THSD4: variants seen among roughly 807,000 people sequenced by gnomAD.
THSD4 encodes the protein thrombospondin type-1 domain-containing protein 4.
THSD4 carries 69 observed loss-of-function variants against 119.0 expected under a neutral mutation model. The ratio of observed to expected loss-of-function variants is 0.58; its 90% CI spans 0.48 to 0.71. The LOEUF (loss-of-function observed/expected upper bound fraction) is 0.71, where lower values mean the gene tolerates loss of function less well. Among genes scored for constraint, THSD4 ranks in the 30% least tolerant of loss-of-function variants. THSD4 has a pLI of 0.00. For missense variants in THSD4, 1,393 were observed against 1,391.1 expected, an observed-to-expected ratio of 1.00 and a Z score of -0.02; for synonymous variants, 524 against 540.4, an observed-to-expected ratio of 0.97 and a Z score of 0.42.
chr15:71,187,471 T>G (rs898553828), intron 3 of THSD4: 2 of 152,658 alleles, frequency 1.3e-5, no homozygotes, highest in African/African-American at 4.8e-5. Flanking sequence ...CAGGAAAAGC[T>G]GCTTGATGAG....
In THSD4 at chr15:71,125,613, G is replaced by A. The variant is rs1325626730; in HGVS notation, c.-80+9915G>A. ...GCAGGGCTGTGCTGAGACCGCGGCT[G>A]GCCAGCCAGGGCCAGAGGGAGGCCC... is the stretch of plus-strand genomic sequence containing the variant. On this transcript the variant is annotated intron_variant, in intron 1 of 17. Transcript: ENST00000261862. Among the ~76,000 whole-genome samples the A allele has an allele frequency of 2.0e-5, 3 of 152,224 alleles. No individual in the cohort carries two copies. In the East Asian group the frequency reaches 5.8e-4, roughly 29 times the overall value.
intron 7 of THSD4, among the ~76,000 whole-genome samples, chr15:71,611,753 C>T (rs538456638): frequency 1.3e-5 from 2 of 152,258 alleles, no homozygotes; most frequent in Non-Finnish European, 1.5e-5. Context: ...GTTTGCCAAG[C>T]GAATGAGGAC....
At chr15:71,708,826 A>C (rs755018450) in intron 8 of THSD4, among the ~76,000 whole-genome samples, 1 of 152,214 alleles carries the variant, frequency 6.6e-6, no homozygotes, top group Non-Finnish European at 1.5e-5. Context: ...TGAGGGGCAA[A>C]TAGCGTTGCC....
intron 6 of THSD4, among the ~76,000 whole-genome samples, chr15:71,269,171 C>G (rs369724191): frequency 1.2e-4 from 18 of 152,234 alleles, no homozygotes; most frequent in African/African-American, 4.3e-4. Flanking sequence ...GGCCAATAAC[C>G]CTGATGAACA....
intron 7 of THSD4, among the ~76,000 whole-genome samples, chr15:71,491,453 T>C (rs1223624742): frequency 6.6e-6 from 1 of 152,212 alleles, no homozygotes; most frequent in Admixed American, 6.5e-5. Context: ...GCTAGCACGC[T>C]CAGCCCCCTC....
chr15:71,684,530 T>A lies in THSD4; in HGVS notation c.1357+23796T>A, dbSNP rs532904126. Among the ~76,000 whole-genome samples, 223 of 149,756 alleles carry A rather than the reference T, an allele frequency of 1.5e-3. 2 individuals are homozygous for A. The highest frequency in any genetic ancestry group is 3.7e-3 in the African/African-American group (149 of 40,576). On this transcript the variant is annotated intron_variant, in intron 8 of 17. Transcript: ENST00000261862. ...TAATCTTGTAATCTTTTTTTTTTTT[T>A]ACCAGGATGAGTTTTAAATGACATT...
At chr15:71,484,468 C>T (rs1052054736) in intron 7 of THSD4, among the ~76,000 whole-genome samples, 1 of 152,182 alleles carries the variant, frequency 6.6e-6, no homozygotes, top group Non-Finnish European at 1.5e-5. Flanking sequence ...TACACAGAAG[C>T]CTGGCTTTTA....
intron 7 of THSD4, among the ~76,000 whole-genome samples, chr15:71,572,791 A>C (rs180817974): frequency 5.4e-4 from 82 of 152,322 alleles, no homozygotes; most frequent in African/African-American, 1.9e-3. Context: ...TTCTCAAAGA[A>C]CAAAGTGACA....
chr15:71,607,849 G>A (rs890127118), intron 7 of THSD4, among the ~76,000 whole-genome samples: 1 of 152,160 alleles, frequency 6.6e-6, no homozygotes, highest in Non-Finnish European at 1.5e-5. Context: ...GGACTCATGT[G>A]TTATGTGCCT....
intron 8 of THSD4, among the ~76,000 whole-genome samples, chr15:71,670,791 C>T (rs2051510504): frequency 6.6e-6 from 1 of 151,856 alleles, no homozygotes; most frequent in African/African-American, 2.4e-5. Flanking sequence ...TGCTGGTTTC[C>T]AGCTTCATCC....
chr15:71,111,161 T>C, upstream of THSD4: 1 of 1,610,622 alleles, frequency 6.2e-7, no homozygotes, highest in Non-Finnish European at 8.5e-7. Context: ...CTATCTCCTC[T>C]GACCAGATGT....
At chr15:71,228,347 G>T (rs1322247075) in intron 4 of THSD4, among the ~76,000 whole-genome samples, 1 of 152,130 alleles carries the variant, frequency 6.6e-6, no homozygotes, top group African/African-American at 2.4e-5. Flanking sequence ...AAGAGGCCAG[G>T]AAACAGATCC....
intron 7 of THSD4, among the ~76,000 whole-genome samples, chr15:71,445,743 G>T (rs1362845510): frequency 6.6e-6 from 1 of 152,240 alleles, no homozygotes; most frequent in Non-Finnish European, 1.5e-5. Flanking sequence ...TGTTTTGGCT[G>T]ACTGGAAAGA....
chr15:71,714,167 C>T (rs771416355), intron 8 of THSD4, among the ~76,000 whole-genome samples: 4 of 152,204 alleles, frequency 2.6e-5, no homozygotes, highest in Non-Finnish European at 5.9e-5. Context: ...CTATTCTTCT[C>T]ATCCACAAAA....
chr15:71,328,168 C>T (rs2045371262), intron 6 of THSD4, among the ~76,000 whole-genome samples: 1 of 152,172 alleles, frequency 6.6e-6, no homozygotes, highest in African/African-American at 2.4e-5. Flanking sequence ...TATTTTCGTG[C>T]TTCTTGTTTT....
chr15:71,213,443 C>T (rs749841646), intron 3 of THSD4, among the ~76,000 whole-genome samples: 6 of 152,184 alleles, frequency 3.9e-5, no homozygotes, highest in African/African-American at 7.2e-5. Context: ...CAATTCTCCC[C>T]GCCTTCACCC....
rs965790488 is a variant in THSD4 at position 71,564,304 on chromosome 15, A to G, written c.1153-96226A>G. Among the ~76,000 whole-genome samples the G allele has an allele frequency of 4.6e-5, 7 of 152,262 alleles. 1 individual carries two copies. The South Asian group carries it at 1.4e-3, about 32-fold the overall frequency. ...GAGAGGACCATAATCCAGTGTGAAA[A>G]CTGTTGTACTGTGTGTGGATCAAGT... On this transcript the variant is annotated intron_variant, in intron 7 of 17. Transcript: ENST00000261862.
intron 6 of THSD4, among the ~76,000 whole-genome samples, chr15:71,331,698 G>A (rs1277733724): frequency 6.6e-6 from 1 of 152,160 alleles, no homozygotes; most frequent in African/African-American, 2.4e-5. Flanking sequence ...AAGGCATACT[G>A]CTTCACAGGG....
intron 8 of THSD4, among the ~76,000 whole-genome samples, chr15:71,718,130 C>T (rs1463461164): frequency 7.4e-6 from 1 of 134,898 alleles, no homozygotes; most frequent in East Asian, 2.2e-4. Flanking sequence ...GCCTGGGCAA[C>T]AGAGCGAGAC....
Sources: gnomAD v4.1 joint callset for allele counts (sites outside exome capture counted in the v4.1 genomes callset) on GRCh38, gnomAD v4.1.1 for gene constraint, MANE v1.5 for transcripts, NCBI Gene and HGNC (gene_info 2026-07-23, HGNC 2026-07-21) for gene names.